GOLT1B: variants seen among roughly 807,000 people sequenced by gnomAD.
GOLT1B encodes golgi transport 1B.
Under a neutral mutation model 15.4 loss-of-function variants are expected in GOLT1B, and 3 were observed. That is an observed-to-expected ratio of 0.19 (90% CI 0.09 to 0.50). The LOEUF is 0.50. Ranked by LOEUF, GOLT1B falls within the 20% of genes least tolerant of loss-of-function variation. The pLI is 0.97. For missense variants in GOLT1B, 145 were observed against 160.4 expected, an observed-to-expected ratio of 0.90 and a Z score of 0.52; for synonymous variants, 65 against 56.2, an observed-to-expected ratio of 1.16 and a Z score of -0.70.
rs71962761 is a variant in GOLT1B at position 21,508,889 on chromosome 12, G to GTAGGTAGATAGATAGA, written c.296+331_296+332insGTAGATAGATAGATAG. Reference sequence around the variant, plus strand: ...GATCGATCAATCGGTAGGTAGGTAGGTAGATAGATAGATAGATAGATAGAT... The same window carrying GTAGGTAGATAGATAGA: ...GATCGATCAATCGGTAGGTAGGTAGGTAGGTAGATAGATAGATAGATAGATAGATAGATAGATAGAT... On this transcript the variant is annotated intron_variant, in intron 3 of 4. Coordinates refer to ENST00000229314, the MANE Select transcript of GOLT1B (RefSeq NM_016072.5). Among the ~76,000 whole-genome samples, 125 of 65,378 alleles carry GTAGGTAGATAGATAGA rather than the reference G, an allele frequency of 1.9e-3. No homozygotes were observed. In the East Asian group the frequency reaches 0.047, roughly 25 times the overall value. The allele number at this position is 65,378 out of a possible 152,430, so 42.9% of individuals were successfully genotyped here.
In GOLT1B at chr12:21,515,720, T is replaced by G. The variant is rs1943751066; in HGVS notation, c.*13T>G. 8.8e-7 allele frequency: 1 copy of G among 1,140,864 alleles called. No individual in the cohort carries two copies. The highest frequency in any genetic ancestry group is 1.3e-5 in the South Asian group (1 of 75,332). 70.7% of individuals were successfully genotyped at this position (1,140,864 alleles called of 1,614,324 possible). On this transcript the variant is annotated 3_prime_UTR_variant, in exon 5 of 5. Coordinates refer to ENST00000229314, the MANE Select transcript of GOLT1B (RefSeq NM_016072.5). Reference sequence around the variant, plus strand: ...CAATATGGTATAACAACAAGTGAATTTGAAGACTCATTTAAAATATTGTGT... The same window carrying G: ...CAATATGGTATAACAACAAGTGAATGTGAAGACTCATTTAAAATATTGTGT...
Position 21,508,574 on chromosome 12 carries a change from A to G in GOLT1B, c.296+13A>G, listed in dbSNP as rs11046091. The G allele has an allele frequency of 0.21, 282,950 of 1,358,312 alleles. 34,627 individuals are homozygous for G. Among genetic ancestry groups the G allele is most frequent in the African/African-American group, 0.49 (33,372 of 68,640 alleles). The allele number at this position is 1,358,312 out of a possible 1,614,324, so 84.1% of individuals were successfully genotyped here. A position where few individuals can be genotyped will look rare whatever the true frequency, so the allele number is the denominator to read the frequency against. The stretch of plus-strand genomic sequence containing the variant: ...TTCTCTTGTTCAGGTAAGGCATATT[A>G]TTGTCTCTTTCAGTAAATCAGTGTG... On this transcript the variant is annotated intron_variant, in intron 3 of 4. Coordinates refer to ENST00000229314, the MANE Select transcript of GOLT1B (RefSeq NM_016072.5).
At chr12:21,508,337 T>C (rs1192496210) in intron 2 of GOLT1B, 46 bp from the exon 3 acceptor site, 1 of 1,117,404 alleles carries the variant, frequency 8.9e-7, no homozygotes. Flanking sequence ...AATTTATGCA[T>C]TGTGTTTAAT....
intron 2 of GOLT1B, among the ~76,000 whole-genome samples, chr12:21,507,666 A>C (rs1027844973): frequency 2.0e-4 from 30 of 152,154 alleles, no homozygotes; most frequent in African/African-American, 7.0e-4. Flanking sequence ...ATGAAGCTTA[A>C]CCATTAGGCT....
chr12:21,510,217 A>T (rs1207549659), intron 3 of GOLT1B, among the ~76,000 whole-genome samples: 1 of 152,194 alleles, frequency 6.6e-6, no homozygotes, highest in Admixed American at 6.5e-5. Flanking sequence ...AAAGAAGAAA[A>T]CACTAGAAGA....
chr12:21,503,997 A>G (rs531371829), intron 1 of GOLT1B, among the ~76,000 whole-genome samples: 41 of 152,228 alleles, frequency 2.7e-4, no homozygotes, highest in Admixed American at 7.2e-4. Flanking sequence ...TTAATGTTCA[A>G]TTGAATTCTT....
At position 21,518,294 on chromosome 12, in the gene GOLT1B, A is replaced by G. The variant is rs1448578044; in HGVS notation, c.*2587A>G. The G allele has an allele frequency of 6.6e-6, 1 of 152,124 alleles. No homozygotes were observed. The highest frequency in any genetic ancestry group is 1.5e-5 in the Non-Finnish European group (1 of 68,008). 9.4% of individuals were successfully genotyped at this position (152,124 alleles called of 1,614,324 possible). The stretch of plus-strand genomic sequence containing the variant: ...TGATCTTCACATCTTTCATTTCCAA[A>G]TTGTTGAAATGTACTAATGAATACA... On this transcript the variant is annotated 3_prime_UTR_variant, in exon 5 of 5. Transcript: ENST00000229314.
intron 1 of GOLT1B, among the ~76,000 whole-genome samples, chr12:21,505,773 C>T (rs949443050): frequency 6.6e-6 from 1 of 152,082 alleles, no homozygotes; most frequent in African/African-American, 2.4e-5. Context: ...AATTGTGCTT[C>T]TAAAAATACG....
At chr12:21,502,301 G>C (rs1943637415) in intron 1 of GOLT1B, among the ~76,000 whole-genome samples, 1 of 152,208 alleles carries the variant, frequency 6.6e-6, no homozygotes, top group South Asian at 2.1e-4. Context: ...TTTGCGTGGT[G>C]CCCGCGGCCC....
chr12:21,503,499 TA>T (rs1418780013), intron 1 of GOLT1B, among the ~76,000 whole-genome samples: 19 of 152,244 alleles, frequency 1.2e-4, no homozygotes, highest in African/African-American at 4.3e-4. Context: ...GAAGACTTAA[TA>T]TAGTGATGAG....
At chr12:21,512,508 T>A in intron 4 of GOLT1B, 132 bp downstream of exon 4, 1 of 589,350 alleles carries the variant, frequency 1.7e-6, no homozygotes. Context: ...ACATAGATCA[T>A]GAGTACCATG....
In GOLT1B at chr12:21,508,374, C is replaced by T; in HGVS notation, c.118-9C>T. 2.7e-6 allele frequency: 4 copies of T among 1,498,658 alleles called. No homozygotes were observed. The highest frequency in any genetic ancestry group is 3.6e-6 in the Non-Finnish European group (4 of 1,105,156). The allele number at this position is 1,498,658 out of a possible 1,614,324, so 92.8% of individuals were successfully genotyped here. A position where few individuals can be genotyped will look rare whatever the true frequency, so the allele number is the denominator to read the frequency against. ...ACCTTTTCCGTGTTGTATTTTCTTT[C>T]TCTTTTAGGTTTTATTTGTAGCCGG... On this transcript the variant is annotated splice_polypyrimidine_tract_variant and intron_variant, in intron 2 of 4. Transcript: ENST00000229314.
rs371458639 is a variant in GOLT1B, at chr12:21,515,630, C to T, written c.379-39C>T. ...ATTGATATAATGTTTTATAATGTTCCGGGCTTTCTTTAATTCTCTGTTTTT... is the reference window on the plus strand; with the variant it reads ...ATTGATATAATGTTTTATAATGTTCTGGGCTTTCTTTAATTCTCTGTTTTT... On this transcript the variant is annotated intron_variant, in intron 4 of 4. Coordinates refer to ENST00000229314, the MANE Select transcript of GOLT1B (RefSeq NM_016072.5). 1.0e-4 allele frequency: 106 copies of T among 1,060,434 alleles called. No homozygotes were observed. In the African/African-American group the frequency reaches 1.0e-3, roughly 10 times the overall value. The allele number at this position is 1,060,434 out of a possible 1,614,324, so 65.7% of individuals were successfully genotyped here. A position where few individuals can be genotyped will look rare whatever the true frequency, so the allele number is the denominator to read the frequency against.
At chr12:21,513,355 G>C (rs1200603240) in intron 4 of GOLT1B, among the ~76,000 whole-genome samples, 1 of 152,120 alleles carries the variant, frequency 6.6e-6, no homozygotes, top group African/African-American at 2.4e-5. Flanking sequence ...AACATCTTTT[G>C]GTGGAGTCTT....
At chr12:21,504,442 T>G in intron 1 of GOLT1B, 1 of 433,446 alleles carries the variant, frequency 2.3e-6, no homozygotes, top group Middle Eastern at 3.4e-4. Context: ...CAGTACCAGT[T>G]GTGGCAAAGA....
intron 1 of GOLT1B, among the ~76,000 whole-genome samples, chr12:21,502,832 G>T (rs1943645867): frequency 6.6e-6 from 1 of 152,012 alleles, no homozygotes; most frequent in African/African-American, 2.4e-5. Context: ...GTCTCACTTT[G>T]CTTTATCTGC....
chr12:21,504,765 A>G (rs1284150759), intron 1 of GOLT1B, among the ~76,000 whole-genome samples: 3 of 152,224 alleles, frequency 2.0e-5, no homozygotes, highest in Admixed American at 6.5e-5. Context: ...ACTTCATAAC[A>G]CGGTAAACCA....
At chr12:21,508,767 T>C (rs1327996635) in intron 3 of GOLT1B, among the ~76,000 whole-genome samples, 1 of 152,234 alleles carries the variant, frequency 6.6e-6, no homozygotes, top group Non-Finnish European at 1.5e-5. Flanking sequence ...AATTATCTTG[T>C]TTTGTCAGCA....
Position 21,510,941 on chromosome 12 carries a change from T to G in GOLT1B, c.297-1354T>G, listed in dbSNP as rs74989769. ...TCTTACCACAATCAACACAGAAGAC[T>G]GCTGTGACCAAATGGGTGGGGGGTT... On this transcript the variant is annotated intron_variant, in intron 3 of 4. Coordinates refer to ENST00000229314, the MANE Select transcript of GOLT1B (RefSeq NM_016072.5). 7.2e-3 allele frequency among the ~76,000 whole-genome samples: 1,099 copies of G among 152,344 alleles called. 11 individuals carry two copies. Among genetic ancestry groups the G allele is most frequent in the African/African-American group, 0.025 (1,043 of 41,586 alleles).
Sources: allele counts gnomAD v4.1 joint callset (sites outside exome capture counted in the v4.1 genomes callset), GRCh38; gene constraint gnomAD v4.1.1; transcripts MANE v1.5; gene names NCBI Gene and HGNC (gene_info 2026-07-23, HGNC 2026-07-21).